The following SFXN5 variants were observed in gnomAD, a reference collection of about 807,000 sequenced individuals.
SFXN5 encodes the protein sideroflexin 5.
SFXN5 carries 43 observed loss-of-function variants against 50.2 expected under a neutral mutation model. The ratio of observed to expected loss-of-function variants is 0.86; its 90% CI spans 0.67 to 1.11. The LOEUF (loss-of-function observed/expected upper bound fraction) is 1.11, where lower values mean the gene tolerates loss of function less well. Among genes scored for constraint, SFXN5 ranks in the 50% least tolerant of loss-of-function variants. The pLI is 0.00. For synonymous variants in SFXN5, 203 were observed against 185.8 expected, an observed-to-expected ratio of 1.09 and a Z score of -0.75; for missense variants, 463 against 454.1, an observed-to-expected ratio of 1.02 and a Z score of -0.18.
chr2:73,012,488 T>C (rs2105777652), intron 6 of SFXN5, among the ~76,000 whole-genome samples: 1 of 152,026 alleles, frequency 6.6e-6, no homozygotes, highest in East Asian at 1.9e-4. Flanking sequence ...TATCAAACGA[T>C]TCCAGGGGAA....
At chr2:73,055,132 A>G (rs1681919126) in intron 2 of SFXN5, among the ~76,000 whole-genome samples, 2 of 152,256 alleles carry the variant, frequency 1.3e-5, no homozygotes, top group African/African-American at 4.8e-5. Flanking sequence ...GGTCAACTCC[A>G]GGGCTTAAAG....
chr2:72,968,198 ACT>A (rs1387433263), intron 12 of SFXN5, among the ~76,000 whole-genome samples: 2 of 151,008 alleles, frequency 1.3e-5, no homozygotes, highest in African/African-American at 4.9e-5. Context: ...GAGGGCCAGC[ACT>A]GTTATCCTGG....
At chr2:73,025,955 G>A (rs931635979) in intron 3 of SFXN5, among the ~76,000 whole-genome samples, 6 of 152,124 alleles carry the variant, frequency 3.9e-5, no homozygotes, top group African/African-American at 9.7e-5. Context: ...AAAGGAGCCC[G>A]TCTGCATCCA....
At chr2:72,993,457 G>C (rs1488324386) in intron 9 of SFXN5, among the ~76,000 whole-genome samples, 2 of 152,174 alleles carry the variant, frequency 1.3e-5, no homozygotes, top group Admixed American at 1.3e-4. Flanking sequence ...TTGTTTGCTG[G>C]CAACAGTGAC....
chr2:72,978,707 C>G (rs1041386355), intron 10 of SFXN5, among the ~76,000 whole-genome samples: 3 of 152,198 alleles, frequency 2.0e-5, no homozygotes, highest in Non-Finnish European at 4.4e-5. Context: ...TTTAATAAAG[C>G]TAGAAACGTA....
chr2:72,998,864 C>A lies in SFXN5; in HGVS notation c.534+85G>T, dbSNP rs1013781015. The A allele has an allele frequency of 6.2e-6, 9 of 1,460,230 alleles. 1 individual carries two copies. The African/African-American group carries it at 8.4e-5, about 14-fold the overall frequency. 90.5% of individuals were successfully genotyped at this position (1,460,230 alleles called of 1,614,324 possible). On this transcript the variant is annotated intron_variant, in intron 9 of 13. Coordinates refer to ENST00000272433, the MANE Select transcript of SFXN5 (RefSeq NM_144579.3). The stretch of plus-strand genomic sequence containing the variant: ...CTCCCAAATCCTTGCCTGGCCTGGC[C>A]CTCAGACAAGCATCCACCTGCAATG...
At chr2:72,954,261 C>A (rs1033708127) in intron 13 of SFXN5, among the ~76,000 whole-genome samples, 1 of 152,116 alleles carries the variant, frequency 6.6e-6, no homozygotes, top group Non-Finnish European at 1.5e-5. Flanking sequence ...CCAGGGCTGA[C>A]ATGGGAGGCT....
At chr2:73,036,623 G>A (rs1679014470) in intron 3 of SFXN5, among the ~76,000 whole-genome samples, 1 of 152,194 alleles carries the variant, frequency 6.6e-6, no homozygotes, top group Admixed American at 6.5e-5. Flanking sequence ...GCAAAGAGGA[G>A]GAAATGTGGC....
At chr2:73,045,382 A>T (rs1375946155) in intron 2 of SFXN5, among the ~76,000 whole-genome samples, 2 of 152,190 alleles carry the variant, frequency 1.3e-5, no homozygotes, top group African/African-American at 4.8e-5. Context: ...CAAGTAAAAA[A>T]ATAAACAGCC....
At chr2:73,061,118 C>G (rs1168426903) in intron 1 of SFXN5, among the ~76,000 whole-genome samples, 1 of 151,862 alleles carries the variant, frequency 6.6e-6, no homozygotes, top group Non-Finnish European at 1.5e-5. Context: ...GGGTTCAAGA[C>G]CAGCCTGGCC....
chr2:73,003,685 A>G (rs774147076), intron 6 of SFXN5, among the ~76,000 whole-genome samples: 7 of 152,092 alleles, frequency 4.6e-5, no homozygotes, highest in African/African-American at 7.2e-5. Context: ...TCCCTTCCCT[A>G]ACCTTCCCTT....
chr2:73,057,100 A>T (rs954354109), intron 2 of SFXN5, among the ~76,000 whole-genome samples: 1 of 152,204 alleles, frequency 6.6e-6, no homozygotes. Context: ...GTAAGAAGGG[A>T]TTAACTACTA....
intron 3 of SFXN5, among the ~76,000 whole-genome samples, chr2:73,023,435 G>A (rs925193299): frequency 3.9e-5 from 6 of 152,048 alleles, no homozygotes; most frequent in African/African-American, 1.4e-4. Flanking sequence ...CAGAGCTAGG[G>A]GACCTTGCGC....
Position 72,971,503 on chromosome 2 carries a change from C to T in SFXN5, c.741+67G>A, listed in dbSNP as rs539905389. 5.6e-5 allele frequency: 64 copies of T among 1,149,614 alleles called. No individual in the cohort carries two copies. The Middle Eastern group carries it at 1.3e-3, about 23-fold the overall frequency. 71.2% of individuals were successfully genotyped at this position (1,149,614 alleles called of 1,614,324 possible). A position where few individuals can be genotyped will look rare whatever the true frequency, so the allele number is the denominator to read the frequency against. ...TGGATAGAAGCCTGTGGAAGACACA[C>T]GCTAAAGGAAAACCACTCCCCTCCC... On this transcript the variant is annotated intron_variant, in intron 11 of 13. Transcript: ENST00000272433.
At position 73,025,970 on chromosome 2, in the gene SFXN5, T is replaced by C. The variant is rs202193633; in HGVS notation, c.250-2756A>G. ...AAAGGAGCCCGTCTGCATCCAGCTC[T>C]GAGGACACCACAGGCAGGAGGATGG... is the stretch of plus-strand genomic sequence containing the variant. On this transcript the variant is annotated intron_variant, in intron 3 of 13. Transcript: ENST00000272433. Among the ~76,000 whole-genome samples, 17 of 152,178 alleles carry C rather than the reference T, an allele frequency of 1.1e-4. No homozygotes were observed. The East Asian group carries it at 3.1e-3, about 28-fold the overall frequency.
chr2:73,021,650 G>A (rs1442736681), intron 5 of SFXN5, among the ~76,000 whole-genome samples: 1 of 152,130 alleles, frequency 6.6e-6, no homozygotes, highest in East Asian at 1.9e-4. Flanking sequence ...TGGGGGTGGC[G>A]ACCCTGAGGG....
intron 1 of SFXN5, among the ~76,000 whole-genome samples, chr2:73,068,255 C>T (rs1351171614): frequency 1.3e-5 from 2 of 152,154 alleles, no homozygotes; most frequent in Non-Finnish European, 2.9e-5. Context: ...GGGAATGAAC[C>T]CTGGATTATC....
chr2:72,945,137 G>A lies in SFXN5; in HGVS notation c.946-38C>T, dbSNP rs1470839229. 7 of 1,589,048 alleles carry A rather than the reference G, an allele frequency of 4.4e-6. No homozygotes were observed. Among genetic ancestry groups the A allele is most frequent in the Non-Finnish European group, 5.2e-6 (6 of 1,159,498 alleles). ...AACAGAGAGGAAAAGTGGGGGAGTGGGAAGGGGCAAATAGTGGGGCTGGGA... is the reference window on the plus strand; with the variant it reads ...AACAGAGAGGAAAAGTGGGGGAGTGAGAAGGGGCAAATAGTGGGGCTGGGA... On this transcript the variant is annotated intron_variant, in intron 13 of 13. Coordinates refer to ENST00000272433, the MANE Select transcript of SFXN5 (RefSeq NM_144579.3). This position sits in a 1 kb window ranked among gnomAD's most constrained non-coding sequence, Gnocchi z 5.8.
At chr2:73,035,384 T>G (rs1678838597) in intron 3 of SFXN5, among the ~76,000 whole-genome samples, 1 of 152,048 alleles carries the variant, frequency 6.6e-6, no homozygotes, top group Non-Finnish European at 1.5e-5. Context: ...ATAGCTACAG[T>G]CCTTATTACG....
Sources: allele counts gnomAD v4.1 joint callset (sites outside exome capture counted in the v4.1 genomes callset), GRCh38; gene constraint gnomAD v4.1.1; non-coding constraint Gnocchi (gnomAD v3.1); transcripts MANE v1.5; gene names NCBI Gene and HGNC (gene_info 2026-07-23, HGNC 2026-07-21).